The following TLE3 variants were observed in gnomAD, a reference collection of about 807,000 sequenced individuals.
TLE3 encodes the protein transducin-like enhancer protein 3.
In TLE3, 14 loss-of-function variants were observed where a neutral mutation model predicts 93.0. That is an observed-to-expected ratio of 0.15 (90% CI 0.10 to 0.24). The LOEUF (loss-of-function observed/expected upper bound fraction) is 0.24. Ranked by LOEUF, TLE3 falls within the 10% of genes least tolerant of loss-of-function variation. The pLI is 1.00. For synonymous variants in TLE3, 451 were observed against 425.0 expected (o/e 1.06, Z -0.75); for missense variants, 693 against 1,046.6 (o/e 0.66, Z 4.66).
Position 70,058,951 on chromosome 15 carries a change from G to T in TLE3, c.766-136C>A. On this transcript the variant is annotated intron_variant, in intron 10 of 19. Coordinates refer to ENST00000451782, the MANE Select transcript of TLE3 (RefSeq NM_001105192.3). The surrounding 1 kb of genome is among the most constrained non-coding windows in gnomAD (Gnocchi z 4.1). Reference sequence around the variant, plus strand: ...GCTGAAAGACTGGGGGCCCCACAGTGAGGAAAAACTAGCTCTTAACCATCT... The same window carrying T: ...GCTGAAAGACTGGGGGCCCCACAGTTAGGAAAAACTAGCTCTTAACCATCT... 1 of 1,128,608 alleles carries T rather than the reference G, an allele frequency of 8.9e-7. No individual in the cohort carries two copies. Among genetic ancestry groups the T allele is most frequent in the Non-Finnish European group, 1.2e-6 (1 of 825,650 alleles). 69.9% of individuals were successfully genotyped at this position (1,128,608 alleles called of 1,614,324 possible). A position where few individuals can be genotyped will look rare whatever the true frequency, so the allele number is the denominator to read the frequency against.
chr15:70,073,589 A>G (rs992723805), intron 6 of TLE3, among the ~76,000 whole-genome samples: 4 of 152,208 alleles, frequency 2.6e-5, no homozygotes, highest in Non-Finnish European at 5.9e-5. Flanking sequence ...AGACCTATGG[A>G]AAAGACCTCT....
chr15:70,052,640 C>T (rs1281344970), intron 17 of TLE3, 116 bp from the exon 18 acceptor site: 7 of 1,209,694 alleles, frequency 5.8e-6, no homozygotes, highest in African/African-American at 4.6e-5. Context: ...TCCCCACCCA[C>T]CCAATAACCC....
rs1357169760 is a variant in TLE3 at position 70,057,527 on chromosome 15, G to C, written c.1183C>G (p.Gln395Glu). Residue 395 changes from glutamine to glutamate, a missense_variant, in exon 13 of 20, where the codon CAG becomes GAG. Physicochemically the swap from Gln to Glu is conservative, Grantham distance 29. Around this residue, in one of 4 missense-constraint regions of TLE3, gnomAD observed 405 missense variants for 468.9 expected, o/e 0.86. Coordinates refer to ENST00000451782, the MANE Select transcript of TLE3 (RefSeq NM_001105192.3). Reference protein sequence around the residue: ...AYAGLHNIPPQMSAAAAAAAA... With the variant: ...AYAGLHNIPPEMSAAAAAAAA... ...GCAGCAGCGGCGGCGGCGCTCATCTGGGGTGGGATGTTGTGGAGGCCGGCG... is the reference window on the plus strand; with the variant it reads ...GCAGCAGCGGCGGCGGCGCTCATCTCGGGTGGGATGTTGTGGAGGCCGGCG... 3.7e-6 allele frequency: 6 copies of C among 1,607,500 alleles called. No individual in the cohort carries two copies. In the Admixed American group the frequency reaches 5.1e-5, roughly 14 times the overall value.
chr15:70,050,012 TCCTCGGGGCC>T lies in TLE3; in HGVS notation c.*75_*84del. On this transcript the variant is annotated 3_prime_UTR_variant, in exon 20 of 20. Transcript: ENST00000451782. Reference sequence around the variant, plus strand: ...GCTGCCTGCGGCCCATCCTCCGCCATCCTCGGGGCCCCTCGCCTGGGGGTCTCCCTGTCAG... The same window carrying T: ...GCTGCCTGCGGCCCATCCTCCGCCATCCTCGCCTGGGGGTCTCCCTGTCAG... 8.1e-7 allele frequency: 1 copy of T among 1,233,268 alleles called. No individual in the cohort carries two copies. Among genetic ancestry groups the T allele is most frequent in the Non-Finnish European group, 1.2e-6 (1 of 846,048 alleles). 76.4% of individuals were successfully genotyped at this position (1,233,268 alleles called of 1,614,324 possible).
intron 9 of TLE3, 107 bp from the exon 10 acceptor site, chr15:70,059,567 G>A: frequency 9.2e-7 from 1 of 1,083,108 alleles, no homozygotes; most frequent in Non-Finnish European, 1.3e-6. Flanking sequence ...CTGAAGCCAG[G>A]CCAAACCCCA....
intron 19 of TLE3, 171 bp from the exon 20 acceptor site, chr15:70,050,375 TG>T (rs3215108): frequency 0.83 from 456,934 of 553,160 alleles, 195,972 homozygotes; most frequent in Non-Finnish European, 0.91. Context: ...GAAGAGGAGG[TG>T]GGGGAGGCTT....
At chr15:70,055,789 T>G (rs8025266) in intron 14 of TLE3, 184,096 of 192,404 alleles carry the variant, frequency 0.96, 88,590 homozygotes, top group East Asian at 1. Flanking sequence ...AGATTCTCGT[T>G]GACAATTAGA....
chr15:70,093,115 G>C (rs553911685), intron 4 of TLE3, among the ~76,000 whole-genome samples: 2 of 152,314 alleles, frequency 1.3e-5, no homozygotes, highest in South Asian at 4.1e-4. Context: ...TTTCCAAGGA[G>C]AAATATCTTT....
intron 6 of TLE3, among the ~76,000 whole-genome samples, chr15:70,074,178 G>T (rs976445571): frequency 6.6e-6 from 1 of 152,278 alleles, no homozygotes; most frequent in Non-Finnish European, 1.5e-5. Context: ...CGGGGTAAGT[G>T]TGAGGAGGTG....
chr15:70,093,329 T>G (rs2142065582), intron 4 of TLE3, among the ~76,000 whole-genome samples: 1 of 152,220 alleles, frequency 6.6e-6, no homozygotes, highest in East Asian at 1.9e-4. Context: ...AAACTACAGA[T>G]CCCAAAGGCT....
chr15:70,062,702 C>T (rs76972287), intron 8 of TLE3, among the ~76,000 whole-genome samples: 4,641 of 151,998 alleles, frequency 0.031, 107 homozygotes, highest in Admixed American at 0.065. Flanking sequence ...CCCTGTCCTT[C>T]CTGCCGTAGG....
chr15:70,095,193 CAGG>C lies in TLE3; in HGVS notation c.189+382_189+384del, dbSNP rs2058491597. On this transcript the variant is annotated intron_variant, in intron 3 of 19. Transcript: ENST00000451782. ...AAGCAGAAAAGTTTCCAAACACTCC[CAGG>C]AGGTCACTAAGAGAGATTTTTACCA... Among the ~76,000 whole-genome samples the C allele has an allele frequency of 5.3e-5, 8 of 152,326 alleles. No individual in the cohort carries two copies. In the South Asian group the frequency reaches 1.7e-3, roughly 32 times the overall value.
In TLE3 at chr15:70,082,335, C is replaced by T. The variant is rs556511974; in HGVS notation, c.235-6177G>A. Among the ~76,000 whole-genome samples, 6 of 151,102 alleles carry T rather than the reference C, an allele frequency of 4.0e-5. No homozygotes were observed. The South Asian group carries it at 8.4e-4, about 21-fold the overall frequency. ...CAGAGGAAGAAATCCATGGGGGGGC[C>T]GGGGGACAGCCAACAAAAGCTGGGG... On this transcript the variant is annotated intron_variant, in intron 4 of 19. Coordinates refer to ENST00000451782, the MANE Select transcript of TLE3 (RefSeq NM_001105192.3).
At chr15:70,059,984 G>A (rs547279523) in intron 9 of TLE3, among the ~76,000 whole-genome samples, 20 of 152,322 alleles carry the variant, frequency 1.3e-4, no homozygotes, top group African/African-American at 4.6e-4. Context: ...AGACCGCTGA[G>A]GCCCTGCACC....
rs2058637862 is a variant in TLE3 at position 70,097,854 on chromosome 15, C to G, written c.-1056G>C. 2.9e-6 allele frequency: 1 copy of G among 341,288 alleles called. No individual in the cohort carries two copies. Among genetic ancestry groups the G allele is most frequent in the Non-Finnish European group, 5.3e-6 (1 of 190,166 alleles). 21.1% of individuals were successfully genotyped at this position (341,288 alleles called of 1,614,324 possible). ...GCCCCGGACCTACGGATACCACACA[C>G]AGACAGGCGAAGGGGACGAGCACGA... On this transcript the variant is annotated 5_prime_UTR_variant, in exon 1 of 20. Coordinates refer to ENST00000451782, the MANE Select transcript of TLE3 (RefSeq NM_001105192.3).
chr15:70,083,244 G>A (rs564054283), intron 4 of TLE3, among the ~76,000 whole-genome samples: 1 of 108,258 alleles, frequency 9.2e-6, no homozygotes, highest in Non-Finnish European at 1.9e-5. Flanking sequence ...GACAGCTCAA[G>A]TCCCTCCTGG....
intron 17 of TLE3, 24 bp from the exon 18 acceptor site, chr15:70,052,548 G>T: frequency 6.2e-7 from 1 of 1,608,050 alleles, no homozygotes; most frequent in South Asian, 1.1e-5. Context: ...GAGGGCAGAT[G>T]GACTGAGCTC....
chr15:70,097,380 C>A lies in TLE3; in HGVS notation c.-582G>T. ...CCGCAGGAGCGCCGGAGGGTGAGGGCGGGAGCCCGGCGCGGGCGCTTCGAC... is the reference window on the plus strand; with the variant it reads ...CCGCAGGAGCGCCGGAGGGTGAGGGAGGGAGCCCGGCGCGGGCGCTTCGAC... On this transcript the variant is annotated 5_prime_UTR_variant, in exon 1 of 20. Coordinates refer to ENST00000451782, the MANE Select transcript of TLE3 (RefSeq NM_001105192.3). 1 of 407,448 alleles carries A rather than the reference C, an allele frequency of 2.5e-6. No homozygotes were observed. Among genetic ancestry groups the A allele is most frequent in the Non-Finnish European group, 4.3e-6 (1 of 231,092 alleles). The allele number at this position is 407,448 out of a possible 1,614,324, so 25.2% of individuals were successfully genotyped here. A position where few individuals can be genotyped will look rare whatever the true frequency, so the allele number is the denominator to read the frequency against.
intron 4 of TLE3, among the ~76,000 whole-genome samples, chr15:70,081,440 G>A (rs967551495): frequency 4.6e-5 from 7 of 152,226 alleles, no homozygotes; most frequent in African/African-American, 1.4e-4. Flanking sequence ...TTCAGAGCAC[G>A]AGCCATTCAA....
Sources: gnomAD v4.1 joint callset for allele counts (sites outside exome capture counted in the v4.1 genomes callset) on GRCh38, gnomAD v4.1.1 for gene constraint, gnomAD v4.1.1 regional missense constraint, Gnocchi (gnomAD v3.1) non-coding constraint, MANE v1.5 for transcripts, NCBI Gene and HGNC (gene_info 2026-07-23, HGNC 2026-07-21) for gene names.